Variants in FLACC1 observed in about 807,000 individuals in gnomAD.
FLACC1 encodes flagellum-associated coiled-coil domain-containing protein 1.
A neutral mutation model predicts 62.8 loss-of-function variants in FLACC1; 66 were observed. The ratio of observed to expected loss-of-function variants is 1.05; its 90% CI spans 0.86 to 1.29. The LOEUF is 1.29. FLACC1 is among the 50% of genes most tolerant of loss of function. The probability of loss-of-function intolerance (pLI) is 0.00; values close to 1 mark genes in which losing one functional copy is unlikely to be tolerated. For missense variants in FLACC1, 452 were observed against 489.1 expected, an observed-to-expected ratio of 0.92 and a Z score of 0.71; for synonymous variants, 156 against 161.0, an observed-to-expected ratio of 0.97 and a Z score of 0.24.
At chr2:201,363,716 C>G in the FLACC1 span, among the ~76,000 whole-genome samples, 1 of 152,188 alleles carries the variant, frequency 6.6e-6, no homozygotes, top group African/African-American at 2.4e-5. Context: ...GCCTGAGCAC[C>G]TCACCCTTCC....
intron 6 of FLACC1, 27 bp from the exon 7 acceptor site, chr2:201,342,458 A>C (rs1217690950): frequency 6.2e-7 from 1 of 1,612,448 alleles, no homozygotes; most frequent in South Asian, 1.1e-5. Flanking sequence ...CATCTACAAC[A>C]CAGGACTGAG....
At position 201,351,169 on chromosome 2, in the gene FLACC1, A is replaced by T. The variant is rs571763917; in HGVS notation, c.113+123T>A. The T allele has an allele frequency of 1.2e-5, 10 of 849,592 alleles. No individual in the cohort carries two copies. In the African/African-American group the frequency reaches 1.7e-4, roughly 14 times the overall value. 52.6% of individuals were successfully genotyped at this position (849,592 alleles called of 1,614,324 possible). A position where few individuals can be genotyped will look rare whatever the true frequency, so the allele number is the denominator to read the frequency against. ...GCTGGCAGGGAAGCTGGGGAAAGCG[A>T]GGCTTTCTGGCCCACCTGGGATTTT... On this transcript the variant is annotated intron_variant, in intron 2 of 14. Transcript: ENST00000392257.
upstream of FLACC1, among the ~76,000 whole-genome samples, chr2:201,361,247 A>C (rs892772164): frequency 2.0e-5 from 3 of 152,212 alleles, no homozygotes; most frequent in African/African-American, 7.2e-5. Flanking sequence ...TCAAAACAAA[A>C]GATGACTGTG....
At chr2:201,309,334 G>T in intron 9 of FLACC1, 84 bp from the exon 10 acceptor site, 2 of 1,009,076 alleles carry the variant, frequency 2.0e-6, no homozygotes, top group South Asian at 1.3e-5. Context: ...ACTCAGGGAG[G>T]ACTCCTCTTG....
chr2:201,297,444 CA>C (rs1270892257), intron 12 of FLACC1, among the ~76,000 whole-genome samples: 1 of 152,078 alleles, frequency 6.6e-6, no homozygotes, highest in Non-Finnish European at 1.5e-5. Context: ...GGGTTTTAAG[CA>C]GAGTTCTAGT....
At chr2:201,309,742 A>C (rs1290582745) in intron 9 of FLACC1, among the ~76,000 whole-genome samples, 1 of 151,596 alleles carries the variant, frequency 6.6e-6, no homozygotes, top group Non-Finnish European at 1.5e-5. Context: ...CCCCATCTCT[A>C]CTAAAAATAC....
chr2:201,361,948 C>A (rs1269168166), upstream of FLACC1, among the ~76,000 whole-genome samples: 1 of 152,218 alleles, frequency 6.6e-6, no homozygotes, highest in Non-Finnish European at 1.5e-5. Context: ...GGCACCATGA[C>A]CTGCCAGCCA....
intron 10 of FLACC1, among the ~76,000 whole-genome samples, chr2:201,308,095 T>C (rs1576428403): frequency 6.6e-6 from 1 of 151,720 alleles, no homozygotes; most frequent in Non-Finnish European, 1.5e-5. Flanking sequence ...GAAGGAGGGG[T>C]GGAGGGAAAC....
intron 7 of FLACC1, among the ~76,000 whole-genome samples, chr2:201,337,846 T>C (rs1950725622): frequency 6.6e-6 from 1 of 152,210 alleles, no homozygotes; most frequent in South Asian, 2.1e-4. Context: ...TGAAGTCAGG[T>C]AATGTGATAA....
At chr2:201,297,362 G>A (rs552341874) in intron 12 of FLACC1, among the ~76,000 whole-genome samples, 1 of 152,184 alleles carries the variant, frequency 6.6e-6, no homozygotes, top group African/African-American at 2.4e-5. Context: ...AAGATAAGTG[G>A]GGCCTGGGAA....
intron 11 of FLACC1, among the ~76,000 whole-genome samples, chr2:201,300,435 T>C (rs1348655531): frequency 6.6e-6 from 1 of 152,116 alleles, no homozygotes; most frequent in Non-Finnish European, 1.5e-5. Context: ...AAAGCTCGAA[T>C]TGGGTGGAGC....
chr2:201,305,634 C>T (rs554833595), intron 11 of FLACC1, among the ~76,000 whole-genome samples: 121 of 152,240 alleles, frequency 7.9e-4, no homozygotes, highest in Non-Finnish European at 1.5e-3. Flanking sequence ...CACATGCACA[C>T]GTATGTTTAT....
intron 11 of FLACC1, among the ~76,000 whole-genome samples, chr2:201,306,049 G>A (rs531021628): frequency 4.2e-4 from 64 of 151,444 alleles, no homozygotes; most frequent in South Asian, 1.3e-3. Flanking sequence ...ACACTGGCAC[G>A]TTGTGCACAT....
At chr2:201,342,816 AAG>A (rs1295650944) in intron 6 of FLACC1, among the ~76,000 whole-genome samples, 1 of 152,232 alleles carries the variant, frequency 6.6e-6, no homozygotes, top group Non-Finnish European at 1.5e-5. Flanking sequence ...CTTGGCTTGG[AAG>A]AGCCAAGGAG....
rs1950866828 is a variant in FLACC1, at chr2:201,344,156, G to A, written c.462+14C>T. Reference sequence around the variant, plus strand: ...TTTGTCCATGAAGATGTTAGCTAATGTAAGGTCACTCACCAATTTCTGGGC... The same window carrying A: ...TTTGTCCATGAAGATGTTAGCTAATATAAGGTCACTCACCAATTTCTGGGC... On this transcript the variant is annotated intron_variant, in intron 6 of 14. Coordinates refer to ENST00000392257, the MANE Select transcript of FLACC1 (RefSeq NM_001127391.3). 1 of 1,587,192 alleles carries A rather than the reference G, an allele frequency of 6.3e-7. No homozygotes were observed. The highest frequency in any genetic ancestry group is 8.6e-7 in the Non-Finnish European group (1 of 1,157,684).
intron 11 of FLACC1, among the ~76,000 whole-genome samples, chr2:201,299,556 T>C (rs1298286036): frequency 6.6e-6 from 1 of 152,230 alleles, no homozygotes; most frequent in African/African-American, 2.4e-5. Flanking sequence ...AGTCAGTGGA[T>C]AGATTCAATA....
chr2:201,304,522 A>G (rs1950059973), intron 11 of FLACC1, among the ~76,000 whole-genome samples: 2 of 152,312 alleles, frequency 1.3e-5, no homozygotes, highest in Non-Finnish European at 1.5e-5. Context: ...TAATTTACAG[A>G]TTCAATGCCA....
chr2:201,306,234 A>G (rs528529381), intron 11 of FLACC1, among the ~76,000 whole-genome samples: 119 of 152,256 alleles, frequency 7.8e-4, no homozygotes, highest in Non-Finnish European at 1.2e-3. Flanking sequence ...GGAACAAAAG[A>G]AAGAGAGAGA....
At chr2:201,296,789 A>C (rs1353842501) in intron 12 of FLACC1, among the ~76,000 whole-genome samples, 1 of 152,182 alleles carries the variant, frequency 6.6e-6, no homozygotes, top group Non-Finnish European at 1.5e-5. Context: ...ACCTGAGAGG[A>C]CAAGGTAACC....
Sources: allele counts gnomAD v4.1 joint callset (sites outside exome capture counted in the v4.1 genomes callset), GRCh38; gene constraint gnomAD v4.1.1; transcripts MANE v1.5; gene names NCBI Gene and HGNC (gene_info 2026-07-23, HGNC 2026-07-21).